C5: variants seen among roughly 807,000 people sequenced by gnomAD.
C5 encodes the protein C3 and PZP-like alpha-2-macroglobulin domain-containing protein 4.
Under a neutral mutation model 218.8 loss-of-function variants are expected in C5, and 140 were observed. The ratio of observed to expected loss-of-function variants is 0.64; its 90% CI spans 0.56 to 0.74. The LOEUF (loss-of-function observed/expected upper bound fraction) is 0.74. Among genes scored for constraint, C5 ranks in the 30% least tolerant of loss-of-function variants. The pLI is 0.00. For synonymous variants in C5, 614 were observed against 682.3 expected, an observed-to-expected ratio of 0.90 and a Z score of 1.56; for missense variants, 1,700 against 1,969.6, an observed-to-expected ratio of 0.86 and a Z score of 2.59.
At chr9:121,015,368 C>G in intron 15 of C5, 107 bp from the exon 16 acceptor site, 1 of 714,476 alleles carries the variant, frequency 1.4e-6, no homozygotes, top group Non-Finnish European at 2.4e-6. Flanking sequence ...ACAAGTCATT[C>G]CTTAACAAAT....
At chr9:121,053,532 A>C (rs967068931), upstream of C5, among the ~76,000 whole-genome samples, 1 of 152,144 alleles carries the variant, frequency 6.6e-6, no homozygotes, top group Non-Finnish European at 1.5e-5. Flanking sequence ...TAGAACAACT[A>C]TCCACGCAAG....
intron 20 of C5, among the ~76,000 whole-genome samples, chr9:121,005,491 G>A (rs1054117084): frequency 6.6e-6 from 1 of 152,186 alleles, no homozygotes; most frequent in Non-Finnish European, 1.5e-5. Context: ...ACTGGATGGT[G>A]AGATGTGAAT....
chr9:120,982,660 AT>A lies in C5; in HGVS notation c.3384del (p.Lys1128AsnfsTer22), dbSNP rs1239140362. The A allele has an allele frequency of 6.2e-7, 1 of 1,604,478 alleles. No homozygotes were observed. Among genetic ancestry groups the A allele is most frequent in the Admixed American group, 1.7e-5 (1 of 59,974 alleles). ...TGTGCATTTGGTTTCCTTACCTGTAATTTTATTGGTTGATACTGTGAATTTT... is the reference window on the plus strand; with the variant it reads ...TGTGCATTTGGTTTCCTTACCTGTAATTTATTGGTTGATACTGTGAATTTT... ...FKENSQYQPI[K>X]LQGTLPVEAR... On this transcript the variant is annotated frameshift_variant, in exon 26 of 41. Transcript: ENST00000223642. LOFTEE classifies it high-confidence loss of function.
chr9:120,959,252 CTTTCTTTCTTTCTTTT>C (rs1282872957), intron 38 of C5, among the ~76,000 whole-genome samples: 24 of 124,106 alleles, frequency 1.9e-4, no homozygotes, highest in Middle Eastern at 4.2e-3. Flanking sequence ...TTCTTTCTTT[CTTTCTTTCTTTCTTTT>C]TTTTTTTGAG....
chr9:121,062,321 T>C, the C5 span, among the ~76,000 whole-genome samples: 14 of 152,322 alleles, frequency 9.2e-5, no homozygotes, highest in Admixed American at 8.5e-4. Flanking sequence ...TGGACATAAA[T>C]ATCGTGCTGT....
chr9:120,968,180 TA>T (rs2046883444), intron 33 of C5, among the ~76,000 whole-genome samples: 1 of 152,074 alleles, frequency 6.6e-6, no homozygotes, highest in African/African-American at 2.4e-5. Context: ...GGATTTGAGA[TA>T]GGGGGTTATT....
chr9:121,029,500 G>A (rs1185646638), intron 7 of C5, among the ~76,000 whole-genome samples: 1 of 152,180 alleles, frequency 6.6e-6, no homozygotes, highest in African/African-American at 2.4e-5. Flanking sequence ...AATATATGCT[G>A]AGTACTTAGA....
the C5 span, among the ~76,000 whole-genome samples, chr9:121,065,223 A>G: frequency 1.3e-5 from 2 of 152,216 alleles, no homozygotes; most frequent in African/African-American, 2.4e-5. Flanking sequence ...AAAGAGGACA[A>G]AAAGATTCTT....
rs753313016 is a variant in C5 at position 121,016,253 on chromosome 9, C to T, written c.1996+1G>A. On this transcript the variant is annotated splice_donor_variant, in intron 15 of 40. Coordinates refer to ENST00000223642, the MANE Select transcript of C5 (RefSeq NM_001735.3). LOFTEE classifies it high-confidence loss of function. ...AGTAATAAACATGCTGAGCATTTTA[C>T]CATTTTCTTGGGAGTCATCTGCATT... The T allele has an allele frequency of 6.2e-7, 1 of 1,613,858 alleles. No homozygotes were observed. The highest frequency in any genetic ancestry group is 8.5e-7 in the Non-Finnish European group (1 of 1,179,842).
rs747218973 is a variant in C5, at chr9:120,976,790, A to C, written c.3774T>G (p.Ser1258Arg). 6.2e-7 allele frequency: 1 copy of C among 1,614,102 alleles called. No homozygotes were observed. Among genetic ancestry groups the C allele is most frequent in the South Asian group, 1.1e-5 (1 of 91,082 alleles). The change falls in exon 29 of 41, where the codon AGT becomes AGG. Residue 1258 changes from serine (S) to arginine (R), a missense_variant. Ser to Arg is a moderately radical substitution (Grantham distance 110, BLOSUM62 -1). Coordinates refer to ENST00000223642, the MANE Select transcript of C5 (RefSeq NM_001735.3). ...CATAATTTATATCTTTCAAGTTCAG[A>C]CTGGTGAGTAAAGCATAGGCAGTTG... The part of the protein sequence containing the change: ...VETTAYALLT[S>R]LNLKDINYVN...
the C5 span, among the ~76,000 whole-genome samples, chr9:121,062,029 TATG>T: frequency 1.2e-4 from 18 of 152,310 alleles, no homozygotes; most frequent in East Asian, 1.5e-3. Context: ...TAAGAAAGGA[TATG>T]ATAAGGCTCC....
intron 25 of C5, among the ~76,000 whole-genome samples, 168 bp from the exon 26 acceptor site, chr9:120,982,982 A>T (rs565298354): frequency 3.9e-5 from 6 of 152,362 alleles, no homozygotes; most frequent in Admixed American, 6.5e-5. Flanking sequence ...AATACCTCCA[A>T]AACATTCGGT....
intron 17 of C5, among the ~76,000 whole-genome samples, chr9:121,013,182 T>C (rs41309864): frequency 2.6e-3 from 389 of 152,040 alleles, no homozygotes; most frequent in African/African-American, 9.0e-3. Flanking sequence ...TAACCAGGTG[T>C]GGTGGCAGGC....
At chr9:120,966,875 A>T (rs977630773) in intron 33 of C5, among the ~76,000 whole-genome samples, 2 of 152,162 alleles carry the variant, frequency 1.3e-5, no homozygotes, top group African/African-American at 4.8e-5. Flanking sequence ...GGCTTGGGAC[A>T]TAGAGAAGAC....
At chr9:121,064,862 C>T in the C5 span, among the ~76,000 whole-genome samples, 24 of 152,140 alleles carry the variant, frequency 1.6e-4, no homozygotes, top group Non-Finnish European at 2.9e-4. Context: ...GTCAGGAGTT[C>T]GAGACCAGCC....
chr9:121,005,749 C>T (rs1338700891), intron 20 of C5, among the ~76,000 whole-genome samples, 170 bp downstream of exon 20: 6 of 152,118 alleles, frequency 3.9e-5, no homozygotes, highest in Non-Finnish European at 8.8e-5. Context: ...TCCTTCATCC[C>T]TTTAATTCAC....
chr9:121,074,621 A>G, the C5 span: 1 of 361,372 alleles, frequency 2.8e-6, no homozygotes, highest in Non-Finnish European at 5.4e-6. Context: ...CCGTCCTCGG[A>G]CACAGGCCCT....
At chr9:121,000,499 A>G (rs1312408101) in intron 20 of C5, among the ~76,000 whole-genome samples, 1 of 152,202 alleles carries the variant, frequency 6.6e-6, no homozygotes, top group Non-Finnish European at 1.5e-5. Context: ...ATATATGGAA[A>G]TTCAATATAT....
chr9:120,959,449 G>A (rs10985108), intron 38 of C5, among the ~76,000 whole-genome samples: 13,094 of 151,406 alleles, frequency 0.086, 1,320 homozygotes, highest in African/African-American at 0.23. Flanking sequence ...AGTAGAGACA[G>A]GGTTTTGCCA....
Sources: allele counts gnomAD v4.1 joint callset (sites outside exome capture counted in the v4.1 genomes callset), GRCh38; gene constraint gnomAD v4.1.1; transcripts MANE v1.5; gene names NCBI Gene and HGNC (gene_info 2026-07-23, HGNC 2026-07-21).